LOC400499: variants seen among roughly 807,000 people sequenced by gnomAD.
the LOC400499 span, chr16:11,485,037 G>A: frequency 7.5e-6 from 3 of 398,998 alleles, no homozygotes; most frequent in East Asian, 1.1e-4. Flanking sequence ...AACAGCCTGT[G>A]AGCAATTTCC....
chr16:11,387,016 G>C, the LOC400499 span: 1 of 978,392 alleles, frequency 1.0e-6, no homozygotes, highest in Non-Finnish European at 1.3e-6. Flanking sequence ...TCTGGGCCTG[G>C]CACTGTGATG....
At chr16:11,414,384 T>A in the LOC400499 span, 1 of 399,610 alleles carries the variant, frequency 2.5e-6, no homozygotes, top group Non-Finnish European at 4.4e-6. Flanking sequence ...GAGCAGGCAC[T>A]GTGTGGCTGG....
the LOC400499 span, among the ~76,000 whole-genome samples, chr16:11,481,262 T>C: frequency 6.6e-6 from 1 of 152,200 alleles, no homozygotes; most frequent in Admixed American, 6.5e-5. Flanking sequence ...ATAAAAATGT[T>C]CTGGAACGAG....
At chr16:11,384,099 C>CT in the LOC400499 span, 1 of 1,228,944 alleles carries the variant, frequency 8.1e-7, no homozygotes, top group Non-Finnish European at 1.0e-6. Flanking sequence ...CCCCCAAACC[C>CT]TGGGCCTACG....
chr16:11,402,022 G>A, the LOC400499 span: 32 of 399,106 alleles, frequency 8.0e-5, 1 homozygote, highest in African/African-American at 1.2e-4. Flanking sequence ...GTCACCTTCC[G>A]GCCCTGACAC....
chr16:11,491,140 C>T, the LOC400499 span, among the ~76,000 whole-genome samples: 1 of 152,166 alleles, frequency 6.6e-6, no homozygotes, highest in African/African-American at 2.4e-5. Context: ...ACTTACTTGT[C>T]TAAAGGCATA....
the LOC400499 span, chr16:11,392,874 G>C: frequency 7.3e-5 from 65 of 892,378 alleles, no homozygotes; most frequent in African/African-American, 1.3e-4. Context: ...TACTTTTTGA[G>C]ACAGAGTCTC....
At chr16:11,526,642 T>A in the LOC400499 span, among the ~76,000 whole-genome samples, 3 of 152,364 alleles carry the variant, frequency 2.0e-5, no homozygotes, top group South Asian at 6.2e-4. Flanking sequence ...TTGGGTTAAG[T>A]AAAATGTTAT....
chr16:11,525,416 G>C, the LOC400499 span, among the ~76,000 whole-genome samples: 23 of 152,190 alleles, frequency 1.5e-4, no homozygotes, highest in Admixed American at 2.0e-4. Flanking sequence ...ATATCTGGCA[G>C]GGTTTTTTTC....
At chr16:11,407,632 G>T in the LOC400499 span, among the ~76,000 whole-genome samples, 1 of 152,200 alleles carries the variant, frequency 6.6e-6, no homozygotes, top group African/African-American at 2.4e-5. Context: ...AATTCTAGTT[G>T]TAGTACTGTT....
chr16:11,477,487 T>C, the LOC400499 span, among the ~76,000 whole-genome samples: 1 of 152,168 alleles, frequency 6.6e-6, no homozygotes, highest in Non-Finnish European at 1.5e-5. Flanking sequence ...CCAGGCTTGG[T>C]TGGTCGGGAG....
At chr16:11,391,897 TC>T in the LOC400499 span, 1 of 1,124,350 alleles carries the variant, frequency 8.9e-7, no homozygotes, top group Non-Finnish European at 1.1e-6. Context: ...CAGGGTGAGG[TC>T]CAGGGCAGAG....
chr16:11,439,656 G>C, the LOC400499 span: 2 of 398,606 alleles, frequency 5.0e-6, no homozygotes, highest in Non-Finnish European at 4.4e-6. Context: ...GTGGCTACTG[G>C]GCAAATGCAT....
At chr16:11,509,261 G>T in the LOC400499 span, among the ~76,000 whole-genome samples, 7 of 151,678 alleles carry the variant, frequency 4.6e-5, no homozygotes, top group African/African-American at 1.7e-4. Flanking sequence ...GGGACTACAG[G>T]CGCCTGCCAC....
the LOC400499 span, among the ~76,000 whole-genome samples, chr16:11,434,808 C>A: frequency 1.3e-5 from 2 of 152,102 alleles, no homozygotes; most frequent in Non-Finnish European, 2.9e-5. Flanking sequence ...GCAGCCGTGG[C>A]CGAGTTGGGA....
chr16:11,396,495 C>T, the LOC400499 span: 1 of 1,232,210 alleles, frequency 8.1e-7, no homozygotes, highest in Non-Finnish European at 1.0e-6. Flanking sequence ...CTGTCAGCCC[C>T]ATCCTGGCCA....
chr16:11,523,056 T>G, the LOC400499 span, among the ~76,000 whole-genome samples: 1 of 152,238 alleles, frequency 6.6e-6, no homozygotes, highest in African/African-American at 2.4e-5. Context: ...CCTAAGATGC[T>G]TCTCTCTTTC....
At chr16:11,383,853 C>A in the LOC400499 span, 3 of 1,232,204 alleles carry the variant, frequency 2.4e-6, no homozygotes, top group East Asian at 6.3e-5. Context: ...GACAAAGGGC[C>A]TTCTGCACCC....
At chr16:11,456,723 TG>T in the LOC400499 span, 499,717 of 1,089,624 alleles carry the variant, frequency 0.46, 120,338 homozygotes, top group Non-Finnish European at 0.5. Context: ...CCACTGTGCC[TG>T]GCCCAGTTTG....
Sources: gnomAD v4.1 joint callset for allele counts (sites outside exome capture counted in the v4.1 genomes callset) on GRCh38, gnomAD v4.1.1 for gene constraint, MANE v1.5 for transcripts.